The following TBCK variants were observed in gnomAD, a reference collection of about 807,000 sequenced individuals.
The protein encoded by TBCK is TBC1 domain containing kinase, also known as TBC domain-containing protein kinase-like protein.
Under a neutral mutation model 113.4 loss-of-function variants are expected in TBCK, and 99 were observed. The ratio of observed to expected loss-of-function variants is 0.87; its 90% CI spans 0.74 to 1.03. The LOEUF is 1.03. TBCK is among the 50% of genes least tolerant of loss of function. The pLI, the probability that TBCK is intolerant of heterozygous loss-of-function variation, is 0.00. For missense variants in TBCK, 1,045 were observed against 1,061.3 expected, an observed-to-expected ratio of 0.98 and a Z score of 0.21; for synonymous variants, 369 against 370.8, an observed-to-expected ratio of 1.00 and a Z score of 0.05.
At chr4:106,125,749 G>A (rs1349648287) in intron 23 of TBCK, among the ~76,000 whole-genome samples, 2 of 152,088 alleles carry the variant, frequency 1.3e-5, no homozygotes, top group Admixed American at 6.6e-5. Flanking sequence ...GGGTGGAGGT[G>A]GTGGTGTTGT....
intron 6 of TBCK, 41 bp downstream of exon 6, chr4:106,251,825 C>G: frequency 7.1e-7 from 1 of 1,413,086 alleles, no homozygotes; most frequent in Non-Finnish European, 9.3e-7. Context: ...CCAATAAATG[C>G]ACAATTTCCT....
At chr4:106,099,371 C>T (rs1036203262) in intron 24 of TBCK, among the ~76,000 whole-genome samples, 1 of 152,020 alleles carries the variant, frequency 6.6e-6, no homozygotes, top group Non-Finnish European at 1.5e-5. Context: ...TTCACCAAAC[C>T]ATTCAAGAAG....
chr4:106,178,621 G>T (rs1751969657), intron 22 of TBCK, among the ~76,000 whole-genome samples: 1 of 151,970 alleles, frequency 6.6e-6, no homozygotes, highest in East Asian at 1.9e-4. Context: ...CATGTTTATT[G>T]ATTTGCATAT....
Position 106,043,037 on chromosome 4 carries a change from A to G in TBCK, c.*3533T>C, listed in dbSNP as rs1173923129. Reference sequence around the variant, plus strand: ...ATCCAAAGCTATGTCTTCTATTCCTATATGTATTCCAAAACCTGAGTTCTT... The same window carrying G: ...ATCCAAAGCTATGTCTTCTATTCCTGTATGTATTCCAAAACCTGAGTTCTT... On this transcript the variant is annotated 3_prime_UTR_variant, in exon 26 of 26. Coordinates refer to ENST00000394708, the MANE Select transcript of TBCK (RefSeq NM_001163435.3). The G allele has an allele frequency of 6.6e-6, 1 of 152,126 alleles. No homozygotes were observed. Among genetic ancestry groups the G allele is most frequent in the African/African-American group, 2.4e-5 (1 of 41,418 alleles). 9.4% of individuals were successfully genotyped at this position (152,126 alleles called of 1,614,324 possible). A position where few individuals can be genotyped will look rare whatever the true frequency, so the allele number is the denominator to read the frequency against.
intron 5 of TBCK, 53 bp from the exon 6 acceptor site, chr4:106,252,060 G>A (rs1052388453): frequency 4.2e-6 from 6 of 1,440,598 alleles, no homozygotes; most frequent in Non-Finnish European, 5.7e-6. Context: ...AGAAGCGATA[G>A]TACATTTTTA....
At chr4:106,156,879 A>G (rs542792066) in intron 23 of TBCK, among the ~76,000 whole-genome samples, 1 of 152,064 alleles carries the variant, frequency 6.6e-6, no homozygotes, top group Non-Finnish European at 1.5e-5. Context: ...GTTGGTACCT[A>G]AGGTGTAAGA....
At chr4:106,053,832 T>A (rs543059329) in intron 25 of TBCK, among the ~76,000 whole-genome samples, 73 of 151,818 alleles carry the variant, frequency 4.8e-4, no homozygotes, top group African/African-American at 1.7e-3. Context: ...ATTTCAGTCT[T>A]CTAGTTATCT....
chr4:106,203,389 C>T (rs989159223), intron 20 of TBCK, among the ~76,000 whole-genome samples: 7 of 151,022 alleles, frequency 4.6e-5, no homozygotes, highest in African/African-American at 1.7e-4. Context: ...TTTTACTATG[C>T]TTTATTCTAC....
intron 25 of TBCK, among the ~76,000 whole-genome samples, chr4:106,094,830 C>T (rs777077167): frequency 6.6e-6 from 1 of 152,198 alleles, no homozygotes; most frequent in African/African-American, 2.4e-5. Context: ...GAGAAAGATC[C>T]TGTACTCGTT....
In TBCK at chr4:106,089,347, C is replaced by T. The variant is rs191945112; in HGVS notation, c.2571+6135G>A. Among the ~76,000 whole-genome samples the T allele has an allele frequency of 5.4e-3, 821 of 152,290 alleles. 19 individuals carry two copies. The highest frequency in any genetic ancestry group is 3.4e-3 in the Non-Finnish European group (231 of 68,022). ...GCGATCTTCCCCCATAATCCAAACA[C>T]CTCCTTAAAAGGCTCCACATTGAAC... On this transcript the variant is annotated intron_variant, in intron 25 of 25. Coordinates refer to ENST00000394708, the MANE Select transcript of TBCK (RefSeq NM_001163435.3).
At chr4:106,095,394 T>TGAA (rs1578877827) in intron 25 of TBCK, 88 bp downstream of exon 25, 1 of 1,271,510 alleles carries the variant, frequency 7.9e-7, no homozygotes, top group Non-Finnish European at 1.1e-6. Context: ...GACCAACTCC[T>TGAA]GAAGAAATAT....
chr4:106,215,048 G>A (rs868296540), intron 19 of TBCK, among the ~76,000 whole-genome samples: 1 of 150,566 alleles, frequency 6.6e-6, no homozygotes, highest in South Asian at 2.1e-4. Context: ...AGAAGAGAGT[G>A]GGGGCCAATA....
At chr4:106,231,614 A>C (rs1211663188) in intron 18 of TBCK, 115 bp downstream of exon 18, 4 of 858,366 alleles carry the variant, frequency 4.7e-6, no homozygotes, top group Non-Finnish European at 7.2e-6. Flanking sequence ...TATTTCACAG[A>C]AATCTACCAG....
chr4:106,125,539 A>C (rs534217785), intron 23 of TBCK, among the ~76,000 whole-genome samples: 1 of 152,306 alleles, frequency 6.6e-6, no homozygotes, highest in African/African-American at 2.4e-5. Flanking sequence ...AAAGAATGAA[A>C]TCCTATCATT....
chr4:106,299,947 C>T (rs1312272296), intron 2 of TBCK, among the ~76,000 whole-genome samples: 2 of 152,166 alleles, frequency 1.3e-5, no homozygotes, highest in Non-Finnish European at 2.9e-5. Context: ...TTAGGTTTGA[C>T]AGGGCTTGGC....
At chr4:106,285,706 C>T (rs1765046492) in intron 3 of TBCK, among the ~76,000 whole-genome samples, 1 of 152,044 alleles carries the variant, frequency 6.6e-6, no homozygotes. Flanking sequence ...TATGGTTTTG[C>T]AACAGTTATA....
chr4:106,065,199 C>T (rs1213801475), intron 25 of TBCK, among the ~76,000 whole-genome samples: 2 of 151,944 alleles, frequency 1.3e-5, no homozygotes, highest in Non-Finnish European at 2.9e-5. Flanking sequence ...GGTAGACTAG[C>T]TCTCCCTATT....
At chr4:106,092,246 A>T (rs1740351916) in intron 25 of TBCK, among the ~76,000 whole-genome samples, 1 of 152,226 alleles carries the variant, frequency 6.6e-6, no homozygotes, top group Non-Finnish European at 1.5e-5. Context: ...TGAGCTAGAT[A>T]CAGAGTGCTG....
chr4:106,170,710 T>C (rs1424528072), intron 23 of TBCK, among the ~76,000 whole-genome samples: 1 of 152,130 alleles, frequency 6.6e-6, no homozygotes, highest in South Asian at 2.1e-4. Context: ...CTACATGGCA[T>C]AGTTTTACAA....
Sources: gnomAD v4.1 joint callset for allele counts (sites outside exome capture counted in the v4.1 genomes callset) on GRCh38, gnomAD v4.1.1 for gene constraint, MANE v1.5 for transcripts, NCBI Gene and HGNC (gene_info 2026-07-23, HGNC 2026-07-21) for gene names.